The following PRRG1 variants were observed in gnomAD, a reference collection of about 807,000 sequenced individuals.
PRRG1 encodes transmembrane gamma-carboxyglutamic acid protein 1.
Under a neutral mutation model 11.8 loss-of-function variants are expected in PRRG1, and 5 were observed. The ratio of observed to expected loss-of-function variants is 0.42; its 90% CI spans 0.22 to 0.89. The LOEUF (loss-of-function observed/expected upper bound fraction) is 0.89, where lower values mean the gene tolerates loss of function less well. Ranked by LOEUF, PRRG1 falls within the 40% of genes least tolerant of loss-of-function variation. The pLI, the probability that PRRG1 is intolerant of heterozygous loss-of-function variation, is 0.28. For synonymous variants in PRRG1, 66 were observed against 60.4 expected (o/e 1.09, Z -0.43); for missense variants, 155 against 166.1 (o/e 0.93, Z 0.37).
At chrX:37,439,706 G>A (rs1477028010) in intron 3 of PRRG1, among the ~76,000 whole-genome samples, 1 of 110,623 alleles carries the variant, frequency 9.0e-6, no homozygotes, top group Admixed American at 9.7e-5. Context: ...ACTTATTCAA[G>A]CTCAGATATG....
At position 37,361,215 on chromosome X, in the gene PRRG1, G is replaced by T. The variant is rs781813606; in HGVS notation, c.-42+11820G>T. On this transcript the variant is annotated intron_variant, in intron 1 of 3. Transcript: ENST00000378628. The stretch of plus-strand genomic sequence containing the variant: ...AAATTAGCCGGGCATGGTGGTGGTA[G>T]CCTGTAGTCCCAGCTACTCAGGAGG... 2.0e-3 allele frequency among the ~76,000 whole-genome samples: 219 copies of T among 110,765 alleles called. 1 individual carries two copies. Among genetic ancestry groups the T allele is most frequent in the African/African-American group, 7.1e-3 (217 of 30,399 alleles).
At chrX:37,427,998 G>A (rs782318228) in intron 3 of PRRG1, among the ~76,000 whole-genome samples, 3 of 111,234 alleles carry the variant, frequency 2.7e-5, no homozygotes, top group South Asian at 3.9e-4. Context: ...AAGCAAAAGC[G>A]GAAACCCTCG....
intron 2 of PRRG1, among the ~76,000 whole-genome samples, chrX:37,412,760 T>A (rs1556384179): frequency 9.0e-6 from 1 of 111,365 alleles, no homozygotes; most frequent in Admixed American, 9.6e-5. Flanking sequence ...TTGATGCTTT[T>A]TGTCTTTGAT....
At chrX:37,416,642 G>C (rs782236429) in intron 2 of PRRG1, among the ~76,000 whole-genome samples, 4 of 112,091 alleles carry the variant, frequency 3.6e-5, no homozygotes, top group Non-Finnish European at 5.6e-5. Flanking sequence ...TGTGTGCTTA[G>C]TCATGACAAA....
chrX:37,411,258 A>G (rs1556383796), intron 2 of PRRG1, among the ~76,000 whole-genome samples: 1 of 112,362 alleles, frequency 8.9e-6, no homozygotes, highest in African/African-American at 3.2e-5. Flanking sequence ...GTTATATGCA[A>G]CTACTATGCC....
At chrX:37,371,120 A>G (rs782746383) in intron 1 of PRRG1, among the ~76,000 whole-genome samples, 1 of 111,189 alleles carries the variant, frequency 9.0e-6, no homozygotes, top group African/African-American at 3.3e-5. Context: ...TTCCCAGCCC[A>G]CCCATAGCCA....
chrX:37,447,029 C>G (rs1602041199), intron 3 of PRRG1, among the ~76,000 whole-genome samples: 1 of 111,466 alleles, frequency 9.0e-6, no homozygotes, highest in South Asian at 3.8e-4. Context: ...TAACTTCCAA[C>G]ATGAGTTTTA....
intron 1 of PRRG1, among the ~76,000 whole-genome samples, chrX:37,379,728 G>T (rs1931092449): frequency 9.0e-6 from 1 of 111,664 alleles, no homozygotes; most frequent in African/African-American, 3.2e-5. Flanking sequence ...TTAAAATATT[G>T]TTCAAATCTA....
chrX:37,362,814 A>G (rs782286099), intron 1 of PRRG1, among the ~76,000 whole-genome samples: 1 of 111,248 alleles, frequency 9.0e-6, no homozygotes, highest in Non-Finnish European at 1.9e-5. Flanking sequence ...TCAAGAGGAA[A>G]AAGGTGTCAG....
At chrX:37,394,702 A>G (rs1349780100) in intron 1 of PRRG1, among the ~76,000 whole-genome samples, 1 of 110,988 alleles carries the variant, frequency 9.0e-6, no homozygotes, top group Non-Finnish European at 1.9e-5. Context: ...TTTCCAGTCT[A>G]TTGTCACAGG....
intron 1 of PRRG1, among the ~76,000 whole-genome samples, chrX:37,389,446 A>G (rs1374955717): frequency 1.8e-5 from 2 of 111,641 alleles, no homozygotes; most frequent in African/African-American, 3.3e-5. Flanking sequence ...CACAGGCTGT[A>G]TAGGAAGCAT....
chrX:37,417,479 T>A (rs1556385505), intron 2 of PRRG1, among the ~76,000 whole-genome samples: 1 of 111,983 alleles, frequency 8.9e-6, no homozygotes, highest in Non-Finnish European at 1.9e-5. Flanking sequence ...ATATCAGCTA[T>A]GAAAAGTTAA....
chrX:37,422,658 G>T (rs782116880), intron 2 of PRRG1, among the ~76,000 whole-genome samples: 1 of 111,785 alleles, frequency 8.9e-6, no homozygotes, highest in Admixed American at 9.5e-5. Flanking sequence ...ACAAATGCAT[G>T]TATCATGTTC....
rs1931474818 is a variant in PRRG1 at position 37,390,125 on chromosome X, C to G, written c.-41-16084C>G. ...CTTACTCTCTGCTTCAAAGATGGTA[C>G]CACCTTATTGCTGTGTCCTCACATG... On this transcript the variant is annotated intron_variant, in intron 1 of 3. Transcript: ENST00000378628. Among the ~76,000 whole-genome samples the G allele has an allele frequency of 5.4e-5, 6 of 111,470 alleles. No individual in the cohort carries two copies. The South Asian group carries it at 2.3e-3, about 43-fold the overall frequency.
chrX:37,424,734 A>G (rs970026148), intron 2 of PRRG1, among the ~76,000 whole-genome samples: 4 of 110,472 alleles, frequency 3.6e-5, no homozygotes, highest in Non-Finnish European at 7.6e-5. Context: ...GTCAATTTGG[A>G]TACTTTAAAG....
chrX:37,441,468 GCTA>G (rs1246963393), intron 3 of PRRG1: 5 of 753,369 alleles, frequency 6.6e-6, no homozygotes, highest in Non-Finnish European at 7.8e-6. Context: ...CCTTCAGCCA[GCTA>G]CTACTACCAC....
At chrX:37,387,417 G>A (rs181734362) in intron 1 of PRRG1, among the ~76,000 whole-genome samples, 78 of 111,640 alleles carry the variant, frequency 7.0e-4, no homozygotes, top group Middle Eastern at 4.6e-3. Flanking sequence ...ATTGGCTCAC[G>A]TTTCTACAGG....
chrX:37,416,327 G>A (rs1556385173), intron 2 of PRRG1, among the ~76,000 whole-genome samples: 2 of 112,244 alleles, frequency 1.8e-5, no homozygotes, highest in Admixed American at 9.4e-5. Context: ...ATGCTGATGA[G>A]TTGTAAAGCA....
chrX:37,422,237 A>G (rs1050361576), intron 2 of PRRG1, among the ~76,000 whole-genome samples: 28 of 111,995 alleles, frequency 2.5e-4, no homozygotes, highest in African/African-American at 8.8e-4. Context: ...AAATACATTA[A>G]TGTTGATTGA....
Sources: allele counts gnomAD v4.1 joint callset (sites outside exome capture counted in the v4.1 genomes callset), GRCh38; gene constraint gnomAD v4.1.1; transcripts MANE v1.5; gene names NCBI Gene and HGNC (gene_info 2026-07-23, HGNC 2026-07-21).